The following MACROD2 variants were observed in gnomAD, a reference collection of about 807,000 sequenced individuals.
MACROD2 encodes the protein ADP-ribose glycohydrolase MACROD2.
In MACROD2, 36 loss-of-function variants were observed where a neutral mutation model predicts 70.4. The ratio of observed to expected loss-of-function variants is 0.51; its 90% CI spans 0.39 to 0.68. The LOEUF is 0.68. MACROD2 is among the 30% of genes least tolerant of loss of function. The pLI, the probability that MACROD2 is intolerant of heterozygous loss-of-function variation, is 0.00. For synonymous variants in MACROD2, 172 were observed against 178.8 expected (o/e 0.96, Z 0.30); for missense variants, 496 against 538.4 (o/e 0.92, Z 0.78).
At chr20:15,359,496 ATG>A (rs1181127912) in intron 6 of MACROD2, among the ~76,000 whole-genome samples, 1 of 151,466 alleles carries the variant, frequency 6.6e-6, no homozygotes, top group Non-Finnish European at 1.5e-5. Flanking sequence ...GTATATATTT[ATG>A]TGTTAATATA....
chr20:14,037,032 A>G (rs2053320839), intron 2 of MACROD2, among the ~76,000 whole-genome samples: 1 of 152,250 alleles, frequency 6.6e-6, no homozygotes, highest in African/African-American at 2.4e-5. Context: ...GGACCTTGTC[A>G]TAGCTTAGGT....
intron 3 of MACROD2, among the ~76,000 whole-genome samples, chr20:14,458,774 G>C (rs1372737573): frequency 1.3e-5 from 2 of 152,068 alleles, no homozygotes; most frequent in Non-Finnish European, 2.9e-5. Context: ...TACTGAATTA[G>C]TCTCAAACAC....
chr20:15,743,359 C>T (rs1261483244), intron 8 of MACROD2, among the ~76,000 whole-genome samples: 2 of 152,090 alleles, frequency 1.3e-5, no homozygotes, highest in African/African-American at 4.8e-5. Context: ...AAATATTGTA[C>T]AACTTTTTCA....
At chr20:14,932,893 G>A (rs1287976311) in intron 5 of MACROD2, among the ~76,000 whole-genome samples, 1 of 152,048 alleles carries the variant, frequency 6.6e-6, no homozygotes, top group Non-Finnish European at 1.5e-5. Flanking sequence ...AGTTTAAGTG[G>A]CAGAGAGAAT....
At chr20:15,198,040 T>G (rs1195418429) in intron 5 of MACROD2, among the ~76,000 whole-genome samples, 1 of 150,504 alleles carries the variant, frequency 6.6e-6, no homozygotes, top group Non-Finnish European at 1.5e-5. Flanking sequence ...CAGCTTACTG[T>G]AAACTCCACC....
At chr20:14,315,901 C>G (rs1401567323) in intron 3 of MACROD2, among the ~76,000 whole-genome samples, 3 of 152,126 alleles carry the variant, frequency 2.0e-5, no homozygotes, top group Non-Finnish European at 4.4e-5. Context: ...ACCTGTCTGT[C>G]TTTATGTAGG....
intron 7 of MACROD2, among the ~76,000 whole-genome samples, chr20:15,440,888 C>T (rs2046486703): frequency 6.6e-6 from 1 of 152,088 alleles, no homozygotes; most frequent in Non-Finnish European, 1.5e-5. Context: ...TTTTCACTGT[C>T]GTAAAATCTC....
intron 4 of MACROD2, among the ~76,000 whole-genome samples, chr20:14,549,456 T>C (rs1978509740): frequency 6.6e-6 from 1 of 152,366 alleles, no homozygotes; most frequent in African/African-American, 2.4e-5. Flanking sequence ...AAATAAGTAA[T>C]ATTTTTACAT....
intron 4 of MACROD2, among the ~76,000 whole-genome samples, chr20:14,504,679 A>C (rs899184988): frequency 6.6e-6 from 1 of 152,150 alleles, no homozygotes; most frequent in East Asian, 1.9e-4. Context: ...TAAGCTAGGA[A>C]TTTCTAGGCT....
chr20:15,480,186 C>A (rs866527051), intron 7 of MACROD2, among the ~76,000 whole-genome samples: 1 of 152,118 alleles, frequency 6.6e-6, no homozygotes, highest in African/African-American at 2.4e-5. Context: ...ATGTGAGATG[C>A]AAGTACAGAA....
intron 6 of MACROD2, among the ~76,000 whole-genome samples, chr20:15,273,670 G>T (rs1403147231): frequency 1.3e-5 from 2 of 152,140 alleles, no homozygotes; most frequent in African/African-American, 2.4e-5. Flanking sequence ...TAAGGTGACT[G>T]AATTCCCCTC....
At chr20:15,342,355 T>A (rs973246386) in intron 6 of MACROD2, among the ~76,000 whole-genome samples, 37 of 152,150 alleles carry the variant, frequency 2.4e-4, no homozygotes, top group African/African-American at 8.9e-4. Flanking sequence ...CAGACTAGGA[T>A]CGGTCAACTC....
Position 15,920,433 on chromosome 20 carries a change from G to T in MACROD2, c.776-12843G>T, listed in dbSNP as rs76914803. Among the ~76,000 whole-genome samples, 650 of 152,270 alleles carry T rather than the reference G, an allele frequency of 4.3e-3. 5 individuals are homozygous for T. Among genetic ancestry groups the T allele is most frequent in the African/African-American group, 0.015 (604 of 41,554 alleles). ...GAAGTAGCATAACTATATTAAAATT[G>T]ACTGTTATATGCACATTTTACTTAA... On this transcript the variant is annotated intron_variant, in intron 10 of 17. Coordinates refer to ENST00000684519, the MANE Select transcript of MACROD2 (RefSeq NM_001351661.2).
At chr20:15,813,507 G>A (rs2063841377) in intron 8 of MACROD2, among the ~76,000 whole-genome samples, 1 of 152,202 alleles carries the variant, frequency 6.6e-6, no homozygotes, top group Non-Finnish European at 1.5e-5. Context: ...GCTGGATGCA[G>A]TGGCTCACAC....
intron 4 of MACROD2, among the ~76,000 whole-genome samples, chr20:14,600,183 G>A (rs1330040269): frequency 1.3e-5 from 2 of 152,024 alleles, no homozygotes; most frequent in East Asian, 3.9e-4. Context: ...CTAATCGGAT[G>A]TCAGTCAAAT....
intron 5 of MACROD2, among the ~76,000 whole-genome samples, chr20:14,904,118 A>G (rs1404601859): frequency 2.0e-5 from 3 of 152,158 alleles, no homozygotes; most frequent in Non-Finnish European, 4.4e-5. Flanking sequence ...CAAAGACTTT[A>G]AACATACTGG....
intron 7 of MACROD2, among the ~76,000 whole-genome samples, chr20:15,456,839 T>C (rs1023284939): frequency 6.6e-6 from 1 of 152,094 alleles, no homozygotes; most frequent in African/African-American, 2.4e-5. Flanking sequence ...TCTCCCGGCA[T>C]ATTCTAATGT....
chr20:15,047,902 G>A (rs1029500874), intron 5 of MACROD2, among the ~76,000 whole-genome samples: 1 of 152,158 alleles, frequency 6.6e-6, no homozygotes, highest in Non-Finnish European at 1.5e-5. Context: ...GGGACCCACA[G>A]TGAAGACATT....
chr20:15,028,283 C>G (rs562260668), intron 5 of MACROD2, among the ~76,000 whole-genome samples: 1 of 152,240 alleles, frequency 6.6e-6, no homozygotes, highest in South Asian at 2.1e-4. Context: ...TCCCCTTGAT[C>G]CAAGGTATCA....
Sources: allele counts gnomAD v4.1 joint callset (sites outside exome capture counted in the v4.1 genomes callset), GRCh38; gene constraint gnomAD v4.1.1; transcripts MANE v1.5; gene names NCBI Gene and HGNC (gene_info 2026-07-23, HGNC 2026-07-21).